The following GIMD1 variants were observed in gnomAD, a reference collection of about 807,000 sequenced individuals.
The protein encoded by GIMD1 is GTPase IMAP family member GIMD1.
In GIMD1, 14 loss-of-function variants were observed where a neutral mutation model predicts 14.9. The observed-to-expected ratio is 0.94, with a 90% CI of 0.62 to 1.47. The LOEUF (loss-of-function observed/expected upper bound fraction) is 1.47. GIMD1 is among the 40% of genes most tolerant of loss of function. GIMD1 has a pLI of 0.00. For missense variants in GIMD1, 272 were observed against 255.3 expected (o/e 1.07, Z -0.44); for synonymous variants, 91 against 90.5 (o/e 1.01, Z -0.03).
chr4:106,358,363 A>T lies in GIMD1; in HGVS notation c.474T>A (p.Thr158=), dbSNP rs1770565381. The change falls in exon 3 of 3, where the codon ACT becomes ACA. Residue 158 remains threonine, a synonymous_variant. Transcript: ENST00000638719. ...HAEKIEEAGL[T]EDKYLHEASD... ...AGGCCTCATGTAAATATTTATCTTC[A>T]GTAAGCCCAGCCTCTTCTATTTTTT... 6.5e-7 allele frequency: 1 copy of T among 1,533,394 alleles called. No homozygotes were observed. Among genetic ancestry groups the T allele is most frequent in the Non-Finnish European group, 8.7e-7 (1 of 1,145,114 alleles). 95.0% of individuals were successfully genotyped at this position (1,533,394 alleles called of 1,614,324 possible). A position where few individuals can be genotyped will look rare whatever the true frequency, so the allele number is the denominator to read the frequency against.
At position 106,364,505 on chromosome 4, in the gene GIMD1, C is replaced by T. The variant is rs1442346648; in HGVS notation, c.393+2538G>A. On this transcript the variant is annotated intron_variant, in intron 2 of 2. Coordinates refer to ENST00000638719, the MANE Select transcript of GIMD1 (RefSeq NM_001195138.2). The stretch of plus-strand genomic sequence containing the variant: ...TGCAACAGCTTCCAATCTGTGAGCA[C>T]ATACAGATGGCTGCCACCAGTATCT... Among the ~76,000 whole-genome samples, 3 of 152,136 alleles carry T rather than the reference C, an allele frequency of 2.0e-5. No individual in the cohort carries two copies. In the South Asian group the frequency reaches 6.2e-4, roughly 32 times the overall value.
rs970913950 is a variant in GIMD1, at chr4:106,367,087, G to T, written c.349C>A (p.Pro117Thr). Residue 117 changes from proline to threonine, a missense_variant, in exon 2 of 3, where the codon CCT (proline) becomes ACT (threonine). Physicochemically the swap from Pro to Thr is conservative, Grantham distance 38 (BLOSUM62 -1). Transcript: ENST00000638719. ...LALLVQRADV[P>T]FCGQEVTDPV... ...TCAGTTACTTCCTGCCCACAGAAAG[G>T]CACATCTGCTCTCTGAACCAGGAGT... The T allele has an allele frequency of 6.5e-7, 1 of 1,534,536 alleles. No homozygotes were observed. Among genetic ancestry groups the T allele is most frequent in the Non-Finnish European group, 8.7e-7 (1 of 1,146,066 alleles).
intron 1 of GIMD1, 105 bp from the exon 2 acceptor site, chr4:106,367,542 GT>G: frequency 1.8e-6 from 2 of 1,114,674 alleles, no homozygotes; most frequent in Middle Eastern, 6.2e-4. Context: ...TTTTAGATTT[GT>G]TTTCCCTTCA....
At position 106,357,609 on chromosome 4, in the gene GIMD1, A is replaced by C. The variant is rs918234825; in HGVS notation, c.*574T>G. On this transcript the variant is annotated 3_prime_UTR_variant, in exon 3 of 3. Transcript: ENST00000638719. The stretch of plus-strand genomic sequence containing the variant: ...CACAATCTCCTCCCCAAGGTTAACC[A>C]CTCTCCCAATTTCCAGCACTTCTAC... 1.4e-4 allele frequency: 21 copies of C among 151,698 alleles called. No individual in the cohort carries two copies. The highest frequency in any genetic ancestry group is 4.8e-4 in the African/African-American group (20 of 41,296). 9.4% of individuals were successfully genotyped at this position (151,698 alleles called of 1,614,324 possible). A position where few individuals can be genotyped will look rare whatever the true frequency, so the allele number is the denominator to read the frequency against.
At chr4:106,361,161 T>C (rs1451616607) in intron 2 of GIMD1, among the ~76,000 whole-genome samples, 1 of 152,086 alleles carries the variant, frequency 6.6e-6, no homozygotes, top group Non-Finnish European at 1.5e-5. Context: ...ATTGAGGGTC[T>C]ACTTTGTTCT....
intron 2 of GIMD1, among the ~76,000 whole-genome samples, chr4:106,361,081 A>G (rs894523347): frequency 6.6e-6 from 1 of 152,080 alleles, no homozygotes; most frequent in Admixed American, 6.6e-5. Flanking sequence ...CATCAGAACC[A>G]TTAGGGCTGG....
intron 2 of GIMD1, among the ~76,000 whole-genome samples, chr4:106,360,937 C>T (rs1220908781): frequency 6.6e-6 from 1 of 151,986 alleles, no homozygotes; most frequent in Non-Finnish European, 1.5e-5. Context: ...TACTTTGTTA[C>T]AGGAGCCCTA....
Position 106,367,068 on chromosome 4 carries a change from A to G in GIMD1, c.368T>C (p.Val123Ala), listed in dbSNP as rs1770713037. 2.0e-6 allele frequency: 3 copies of G among 1,531,456 alleles called. No individual in the cohort carries two copies. In the South Asian group the frequency reaches 3.6e-5, roughly 18 times the overall value. The allele number at this position is 1,531,456 out of a possible 1,614,324, so 94.9% of individuals were successfully genotyped here. ...RADVPFCGQEVTDPVQMIQEL... is the reference protein window; with the variant it reads ...RADVPFCGQEATDPVQMIQEL... Reference sequence around the variant, plus strand: ...CTGGATCATCTGGACTGGGTCAGTTACTTCCTGCCCACAGAAAGGCACATC... The same window carrying G: ...CTGGATCATCTGGACTGGGTCAGTTGCTTCCTGCCCACAGAAAGGCACATC... Residue 123 changes from valine to alanine, a missense_variant, in exon 2 of 3, where the codon GTA becomes GCA. Val to Ala is a moderately conservative substitution (Grantham distance 64). Transcript: ENST00000638719.
intron 2 of GIMD1, among the ~76,000 whole-genome samples, chr4:106,365,383 A>G (rs1284416276): frequency 7.2e-6 from 1 of 139,408 alleles, no homozygotes; most frequent in Non-Finnish European, 1.5e-5. Flanking sequence ...GATTATACAT[A>G]TGGCTGGGTT....
chr4:106,358,514 C>T (rs369247257), intron 2 of GIMD1, 71 bp from the exon 3 acceptor site: 132 of 1,172,570 alleles, frequency 1.1e-4, no homozygotes, highest in African/African-American at 8.5e-4. Context: ...GGATTTATTA[C>T]GGTCCAATAT....
At chr4:106,363,858 G>A (rs58494189) in intron 2 of GIMD1, among the ~76,000 whole-genome samples, 1,534 of 124,140 alleles carry the variant, frequency 0.012, 34 homozygotes, top group African/African-American at 0.043. Context: ...TTGCTTGTAC[G>A]CAGTAATAAT....
chr4:106,364,273 C>T (rs952595854), intron 2 of GIMD1, among the ~76,000 whole-genome samples: 1 of 152,158 alleles, frequency 6.6e-6, no homozygotes, highest in Non-Finnish European at 1.5e-5. Context: ...GAAGAAGCTA[C>T]TTCTCTGACT....
At chr4:106,364,391 G>T (rs946826307) in intron 2 of GIMD1, among the ~76,000 whole-genome samples, 2 of 152,282 alleles carry the variant, frequency 1.3e-5, no homozygotes, top group South Asian at 4.1e-4. Context: ...GGAAGAAAAA[G>T]AAATCCATAG....
chr4:106,358,562 G>A, intron 2 of GIMD1, 119 bp from the exon 3 acceptor site: 1 of 721,244 alleles, frequency 1.4e-6, no homozygotes, highest in Non-Finnish European at 2.1e-6. Context: ...GTTTCTGAAA[G>A]CTGATATACA....
chr4:106,367,039 T>C lies in GIMD1; in HGVS notation c.393+4A>G. On this transcript the variant is annotated splice_donor_region_variant and intron_variant, in intron 2 of 2. Coordinates refer to ENST00000638719, the MANE Select transcript of GIMD1 (RefSeq NM_001195138.2). ...GCATTAGTGTAATTGCATCTTAGTA[T>C]TACCTGGATCATCTGGACTGGGTCA... 6.7e-7 allele frequency: 1 copy of C among 1,501,910 alleles called. No individual in the cohort carries two copies. Among genetic ancestry groups the C allele is most frequent in the Non-Finnish European group, 8.9e-7 (1 of 1,127,658 alleles). The allele number at this position is 1,501,910 out of a possible 1,614,324, so 93.0% of individuals were successfully genotyped here.
chr4:106,367,488 C>CA (rs1473155186), intron 1 of GIMD1, 51 bp from the exon 2 acceptor site: 1 of 1,445,894 alleles, frequency 6.9e-7, no homozygotes, highest in East Asian at 2.5e-5. Context: ...TACATTCCCC[C>CA]AATGTAAGTT....
At chr4:106,364,788 A>C (rs1770669929) in intron 2 of GIMD1, among the ~76,000 whole-genome samples, 1 of 152,200 alleles carries the variant, frequency 6.6e-6, no homozygotes, top group Non-Finnish European at 1.5e-5. Context: ...TTTGGAAGGC[A>C]TCTGTAAGAG....
intron 1 of GIMD1, among the ~76,000 whole-genome samples, chr4:106,367,971 C>T (rs996894650): frequency 6.6e-6 from 1 of 152,182 alleles, no homozygotes; most frequent in Non-Finnish European, 1.5e-5. Context: ...AAAAAATCAT[C>T]CTTCCTGATT....
intron 2 of GIMD1, among the ~76,000 whole-genome samples, chr4:106,360,018 T>A (rs1770591388): frequency 6.6e-6 from 1 of 152,028 alleles, no homozygotes; most frequent in African/African-American, 2.4e-5. Flanking sequence ...ATTGTAAACT[T>A]TCAGTAAACA....
Sources: allele counts gnomAD v4.1 joint callset (sites outside exome capture counted in the v4.1 genomes callset), GRCh38; gene constraint gnomAD v4.1.1; transcripts MANE v1.5; gene names NCBI Gene and HGNC (gene_info 2026-07-23, HGNC 2026-07-21).